The following PRRG1 variants were observed in gnomAD, a reference collection of about 807,000 sequenced individuals.
PRRG1 encodes transmembrane gamma-carboxyglutamic acid protein 1.
PRRG1 carries 5 observed loss-of-function variants against 11.8 expected under a neutral mutation model. That is an observed-to-expected ratio of 0.42 (90% CI 0.22 to 0.89). The LOEUF is 0.89. PRRG1 is among the 40% of genes least tolerant of loss of function. The probability of loss-of-function intolerance (pLI) is 0.28; values close to 1 mark genes in which losing one functional copy is unlikely to be tolerated. For synonymous variants in PRRG1, 66 were observed against 60.4 expected, an observed-to-expected ratio of 1.09 and a Z score of -0.43; for missense variants, 155 against 166.1, an observed-to-expected ratio of 0.93 and a Z score of 0.37.
chrX:37,403,147 T>A (rs1556380948), intron 1 of PRRG1, among the ~76,000 whole-genome samples: 1 of 109,640 alleles, frequency 9.1e-6, no homozygotes, highest in African/African-American at 3.3e-5. Flanking sequence ...CCCAAATGAC[T>A]ATAAATCATG....
chrX:37,380,874 T>C (rs1931131354), intron 1 of PRRG1, among the ~76,000 whole-genome samples: 1 of 111,561 alleles, frequency 9.0e-6, no homozygotes, highest in Non-Finnish European at 1.9e-5. Context: ...CTATTTTCTT[T>C]TGGCTGATTG....
chrX:37,372,010 A>G (rs1556370920), intron 1 of PRRG1, among the ~76,000 whole-genome samples: 1 of 112,999 alleles, frequency 8.8e-6, no homozygotes, highest in Admixed American at 9.3e-5. Context: ...GAACTGCTGG[A>G]TCATATGGTA....
intron 3 of PRRG1, among the ~76,000 whole-genome samples, chrX:37,426,610 G>T (rs937150547): frequency 1.8e-5 from 2 of 111,729 alleles, no homozygotes; most frequent in African/African-American, 6.5e-5. Context: ...TGCTAAACAA[G>T]TGGTGTCACT....
At chrX:37,444,709 C>T (rs1182572706) in intron 3 of PRRG1, among the ~76,000 whole-genome samples, 1 of 111,353 alleles carries the variant, frequency 9.0e-6, no homozygotes, top group Non-Finnish European at 1.9e-5. Flanking sequence ...TTCTACCCAT[C>T]ATGTCACCCT....
chrX:37,353,332 A>G (rs1175968863), intron 1 of PRRG1, among the ~76,000 whole-genome samples: 1 of 112,731 alleles, frequency 8.9e-6, no homozygotes, highest in African/African-American at 3.2e-5. Flanking sequence ...ACAACTGTCC[A>G]GTGTATGTTT....
At chrX:37,430,462 T>C (rs144675470) in intron 3 of PRRG1, among the ~76,000 whole-genome samples, 2,207 of 111,913 alleles carry the variant, frequency 0.02, 54 homozygotes, top group African/African-American at 0.068. Context: ...AAATTCCTTA[T>C]AGATGTTCTT....
intron 3 of PRRG1, chrX:37,442,262 A>C: frequency 1.1e-5 from 8 of 738,498 alleles, no homozygotes; most frequent in Non-Finnish European, 1.1e-5. Flanking sequence ...CAACACTCTC[A>C]CCTTTTAGGA....
chrX:37,411,280 G>A (rs1283902288), intron 2 of PRRG1, among the ~76,000 whole-genome samples: 2 of 111,785 alleles, frequency 1.8e-5, no homozygotes, highest in African/African-American at 3.2e-5. Flanking sequence ...TTTTATATAA[G>A]GGACTTGAGC....
intron 2 of PRRG1, among the ~76,000 whole-genome samples, chrX:37,407,208 G>T (rs1412161570): frequency 9.0e-6 from 1 of 111,327 alleles, no homozygotes; most frequent in Non-Finnish European, 1.9e-5. Flanking sequence ...CAGGATAATA[G>T]AGTAGCAAAG....
At chrX:37,412,587 T>C (rs1188802958) in intron 2 of PRRG1, among the ~76,000 whole-genome samples, 1 of 111,309 alleles carries the variant, frequency 9.0e-6, no homozygotes, top group African/African-American at 3.3e-5. Flanking sequence ...GTTTAGATGA[T>C]GTCAATAATT....
At chrX:37,372,470 A>T (rs1930796593) in intron 1 of PRRG1, among the ~76,000 whole-genome samples, 1 of 110,892 alleles carries the variant, frequency 9.0e-6, no homozygotes, top group Non-Finnish European at 1.9e-5. Flanking sequence ...TGCCCAGCTA[A>T]TTTTTTTGTA....
intron 3 of PRRG1, among the ~76,000 whole-genome samples, chrX:37,437,122 T>G (rs1220702255): frequency 8.9e-6 from 1 of 112,536 alleles, no homozygotes; most frequent in Non-Finnish European, 1.9e-5. Flanking sequence ...ACGTTTTTAT[T>G]GATTATATCA....
intron 1 of PRRG1, among the ~76,000 whole-genome samples, chrX:37,404,026 A>G (rs782661021): frequency 3.6e-5 from 4 of 112,522 alleles, no homozygotes; most frequent in South Asian, 3.7e-4. Context: ...TGGAGCAGCA[A>G]TTCCTCTTTG....
rs1367990969 is a variant in PRRG1 at position 37,456,848 on chromosome X, C to T, written c.*3227C>T. On this transcript the variant is annotated 3_prime_UTR_variant, in exon 4 of 4. Coordinates refer to ENST00000378628, the MANE Select transcript of PRRG1 (RefSeq NM_001142395.2). ...TTCTTAAGGAGTAACTGAATTGAAT[C>T]AACCAGTTTGCATTTAAATAAAAGA... 1 of 111,986 alleles carries T rather than the reference C, an allele frequency of 8.9e-6. No individual in the cohort carries two copies. The highest frequency in any genetic ancestry group is 1.9e-5 in the Non-Finnish European group (1 of 53,184). The allele number at this position is 111,986 out of a possible 1,213,427, so 9.2% of individuals were successfully genotyped here.
chrX:37,353,146 C>T (rs192235570), intron 1 of PRRG1, among the ~76,000 whole-genome samples: 2 of 111,618 alleles, frequency 1.8e-5, no homozygotes, highest in African/African-American at 3.3e-5. Context: ...TGAAAACCTT[C>T]CAGTGGAACA....
intron 1 of PRRG1, among the ~76,000 whole-genome samples, chrX:37,365,450 G>A (rs920681286): frequency 2.7e-5 from 3 of 111,742 alleles, no homozygotes; most frequent in African/African-American, 9.8e-5. Context: ...TGATCATATA[G>A]CCTCCAGTGG....
intron 2 of PRRG1, among the ~76,000 whole-genome samples, chrX:37,419,892 C>G (rs1932607722): frequency 8.9e-6 from 1 of 111,935 alleles, no homozygotes; most frequent in Admixed American, 9.5e-5. Flanking sequence ...ACATGTCATC[C>G]CAGACTTGAC....
intron 1 of PRRG1, among the ~76,000 whole-genome samples, chrX:37,357,779 A>G (rs1556366617): frequency 8.9e-6 from 1 of 112,243 alleles, no homozygotes; most frequent in African/African-American, 3.2e-5. Context: ...TGTATTCTCC[A>G]TGGATCAAGG....
intron 1 of PRRG1, among the ~76,000 whole-genome samples, chrX:37,402,864 A>T (rs1345136734): frequency 8.9e-6 from 1 of 112,055 alleles, no homozygotes; most frequent in Non-Finnish European, 1.9e-5. Context: ...ATGCAGCCAA[A>T]AAACACATGA....
Sources: allele counts gnomAD v4.1 joint callset (sites outside exome capture counted in the v4.1 genomes callset), GRCh38; gene constraint gnomAD v4.1.1; transcripts MANE v1.5; gene names NCBI Gene and HGNC (gene_info 2026-07-23, HGNC 2026-07-21).